Variants in TBC1D5 observed in about 807,000 individuals in gnomAD.
The protein encoded by TBC1D5 is TBC1 domain family member 5.
A neutral mutation model predicts 100.3 loss-of-function variants in TBC1D5; 75 were observed. The ratio of observed to expected loss-of-function variants is 0.75; its 90% CI spans 0.62 to 0.91. The LOEUF is 0.91. TBC1D5 is among the 40% of genes least tolerant of loss of function. The pLI is 0.00. For missense variants in TBC1D5, 910 were observed against 942.4 expected (o/e 0.97, Z 0.45); for synonymous variants, 323 against 325.6 (o/e 0.99, Z 0.09).
chr3:17,520,874 C>A (rs918727257), intron 2 of TBC1D5, among the ~76,000 whole-genome samples: 143 of 152,192 alleles, frequency 9.4e-4, no homozygotes, highest in African/African-American at 3.3e-3. Flanking sequence ...ACTGTAGGAG[C>A]TCCAGGATTA....
intron 3 of TBC1D5, among the ~76,000 whole-genome samples, chr3:17,487,544 T>G (rs1384512405): frequency 6.6e-6 from 1 of 152,160 alleles, no homozygotes; most frequent in Admixed American, 6.6e-5. Context: ...ATAGAAGGAT[T>G]TGGCCAATTC....
intron 3 of TBC1D5, among the ~76,000 whole-genome samples, chr3:17,475,457 G>A (rs1278135808): frequency 6.6e-6 from 1 of 151,872 alleles, no homozygotes; most frequent in Non-Finnish European, 1.5e-5. Flanking sequence ...CAACACTTTA[G>A]TAAATGTTAT....
rs551863732 is a variant in TBC1D5, at chr3:17,617,953, C to G, written c.-36+5896G>C. Among the ~76,000 whole-genome samples, 252 of 152,298 alleles carry G rather than the reference C, an allele frequency of 1.7e-3. 2 individuals are homozygous for G. Among genetic ancestry groups the G allele is most frequent in the African/African-American group, 5.8e-3 (243 of 41,562 alleles). On this transcript the variant is annotated intron_variant, in intron 2 of 21. Transcript: ENST00000253692. ...GCTTTATTCTGTTGCTGGCAAGGAG[C>G]TGCGATGTTTTGGAGGAGAACAGGC...
At chr3:17,682,770 C>A (rs950635802) in intron 1 of TBC1D5, among the ~76,000 whole-genome samples, 2 of 151,426 alleles carry the variant, frequency 1.3e-5, no homozygotes, top group Non-Finnish European at 2.9e-5. Flanking sequence ...ATTAATAAAT[C>A]GTGTTCCTAG....
intron 1 of TBC1D5, among the ~76,000 whole-genome samples, chr3:17,732,420 C>T (rs2076638018): frequency 6.6e-6 from 1 of 151,874 alleles, no homozygotes; most frequent in South Asian, 2.1e-4. Context: ...CACTCAGTTA[C>T]TATTCTATAA....
At chr3:17,321,403 T>G (rs2085386423) in intron 13 of TBC1D5, among the ~76,000 whole-genome samples, 2 of 152,352 alleles carry the variant, frequency 1.3e-5, no homozygotes, top group South Asian at 4.1e-4. Flanking sequence ...CTATTTATTT[T>G]CTCCAAAAGG....
rs1005862496 is a variant in TBC1D5 at position 17,214,364 on chromosome 3, C to T, written c.1595G>A (p.Ser532Asn). ...TGGAGATGAACTGATGTTTTTAGAA[C>T]TTAGCCCTGTAAGAAAAATTAAGTA... The change falls in exon 18 of 22, where the codon AGT (serine) becomes AAT (asparagine). Residue 532 changes from serine to asparagine, a missense_variant. Ser to Asn is a conservative substitution (Grantham distance 46). Transcript: ENST00000253692. The T allele has an allele frequency of 4.3e-6, 7 of 1,610,826 alleles. No homozygotes were observed. Among genetic ancestry groups the T allele is most frequent in the Middle Eastern group, 1.7e-4 (1 of 6,060 alleles).
intron 2 of TBC1D5, among the ~76,000 whole-genome samples, chr3:17,607,204 G>A (rs558545412): frequency 5.9e-5 from 9 of 152,156 alleles, no homozygotes; most frequent in South Asian, 2.1e-4. Flanking sequence ...TTAGATGAAC[G>A]TAATACAATC....
intron 13 of TBC1D5, among the ~76,000 whole-genome samples, chr3:17,368,949 A>G (rs1463829612): frequency 6.6e-6 from 1 of 152,212 alleles, no homozygotes; most frequent in East Asian, 1.9e-4. Context: ...TTCTGAATGT[A>G]AAACTAAATT....
intron 2 of TBC1D5, among the ~76,000 whole-genome samples, chr3:17,581,866 C>T (rs2096699775): frequency 6.6e-6 from 1 of 152,182 alleles, no homozygotes. Context: ...ACTCACTTTG[C>T]TGCAGCCACA....
intron 2 of TBC1D5, among the ~76,000 whole-genome samples, chr3:17,584,359 T>C (rs1428664479): frequency 6.6e-6 from 1 of 152,238 alleles, no homozygotes; most frequent in Non-Finnish European, 1.5e-5. Context: ...TTCACCTCAA[T>C]AGATTATCTT....
intron 13 of TBC1D5, among the ~76,000 whole-genome samples, chr3:17,368,830 A>C (rs2092315439): frequency 6.6e-6 from 1 of 152,082 alleles, no homozygotes; most frequent in African/African-American, 2.4e-5. Context: ...CACCATTATG[A>C]ATTATTATGT....
intron 1 of TBC1D5, among the ~76,000 whole-genome samples, chr3:17,682,353 T>C (rs1283850639): frequency 6.6e-6 from 1 of 151,466 alleles, no homozygotes; most frequent in Non-Finnish European, 1.5e-5. Flanking sequence ...TGATCAACTT[T>C]GCCATACCTA....
chr3:17,563,704 T>A (rs2096573957), intron 2 of TBC1D5, among the ~76,000 whole-genome samples: 1 of 152,222 alleles, frequency 6.6e-6, no homozygotes, highest in African/African-American at 2.4e-5. Context: ...GAAGGACATA[T>A]CCAAGTAAGA....
rs528691280 is a variant in TBC1D5, at chr3:17,606,767, G to A, written c.-36+17082C>T. On this transcript the variant is annotated intron_variant, in intron 2 of 21. Transcript: ENST00000253692. ...ATCAAATTATACACTTTGACAAAGA[G>A]GTCATTTCTATACTGAAAAACAACA... Among the ~76,000 whole-genome samples, 37 of 152,064 alleles carry A rather than the reference G, an allele frequency of 2.4e-4. 1 individual carries two copies. The South Asian group carries it at 7.7e-3, about 32-fold the overall frequency.
intron 1 of TBC1D5, among the ~76,000 whole-genome samples, chr3:17,693,818 A>C (rs1452972144): frequency 6.6e-6 from 1 of 152,156 alleles, no homozygotes; most frequent in Non-Finnish European, 1.5e-5. Context: ...ACTGGGAGAC[A>C]CCTACCAATA....
At chr3:17,169,118 T>C (rs1387981617) in intron 19 of TBC1D5, among the ~76,000 whole-genome samples, 1 of 152,208 alleles carries the variant, frequency 6.6e-6, no homozygotes, top group African/African-American at 2.4e-5. Context: ...GTCTCTACCA[T>C]ACCATCATTT....
intron 3 of TBC1D5, among the ~76,000 whole-genome samples, chr3:17,497,433 T>C (rs987078260): frequency 2.0e-5 from 3 of 152,248 alleles, no homozygotes; most frequent in Admixed American, 6.5e-5. Context: ...CAAATATGTT[T>C]GTATAAATGA....
chr3:17,342,358 A>T (rs1407975616), intron 13 of TBC1D5, among the ~76,000 whole-genome samples: 1 of 152,198 alleles, frequency 6.6e-6, no homozygotes, highest in African/African-American at 2.4e-5. Flanking sequence ...ACAGATGACC[A>T]TTCTTATTCT....
Sources: gnomAD v4.1 joint callset for allele counts (sites outside exome capture counted in the v4.1 genomes callset) on GRCh38, gnomAD v4.1.1 for gene constraint, MANE v1.5 for transcripts, NCBI Gene and HGNC (gene_info 2026-07-23, HGNC 2026-07-21) for gene names.